The following BANK1 variants were observed in gnomAD, a reference collection of about 807,000 sequenced individuals.
The protein encoded by BANK1 is B-cell scaffold protein with ankyrin repeats.
A neutral mutation model predicts 94.5 loss-of-function variants in BANK1; 95 were observed. The ratio of observed to expected loss-of-function variants is 1.00; its 90% CI spans 0.85 to 1.19. The LOEUF (loss-of-function observed/expected upper bound fraction) is 1.19. BANK1 is among the 50% of genes most tolerant of loss of function. The probability of loss-of-function intolerance (pLI) is 0.00; values close to 1 mark genes in which losing one functional copy is unlikely to be tolerated. For synonymous variants in BANK1, 334 were observed against 308.4 expected, an observed-to-expected ratio of 1.08 and a Z score of -0.87; for missense variants, 987 against 932.2, an observed-to-expected ratio of 1.06 and a Z score of -0.77.
At chr4:101,809,322 A>G (rs947725167) in intron 1 of BANK1, among the ~76,000 whole-genome samples, 3 of 152,132 alleles carry the variant, frequency 2.0e-5, no homozygotes, top group African/African-American at 4.8e-5. Context: ...TAAGAATGAT[A>G]TGATGGACTT....
chr4:101,990,659 A>G (rs1198195653), intron 7 of BANK1, among the ~76,000 whole-genome samples: 1 of 152,192 alleles, frequency 6.6e-6, no homozygotes, highest in Non-Finnish European at 1.5e-5. Context: ...TCTATATCCA[A>G]AAATCCCATG....
intron 6 of BANK1, among the ~76,000 whole-genome samples, chr4:101,904,012 A>G (rs1578389168): frequency 6.6e-6 from 1 of 152,228 alleles, no homozygotes; most frequent in African/African-American, 2.4e-5. Context: ...TTTTATGAGT[A>G]GGTTCAATTG....
intron 7 of BANK1, among the ~76,000 whole-genome samples, chr4:101,925,166 A>T (rs1383516560): frequency 6.6e-6 from 1 of 151,500 alleles, no homozygotes; most frequent in Non-Finnish European, 1.5e-5. Context: ...ATTTATTTGA[A>T]TATCTATTCT....
chr4:101,991,272 T>G (rs1028224734), intron 7 of BANK1, among the ~76,000 whole-genome samples: 1 of 152,154 alleles, frequency 6.6e-6, no homozygotes, highest in African/African-American at 2.4e-5. Context: ...CATTTAGAAC[T>G]TCAAAGAAAA....
intron 11 of BANK1, among the ~76,000 whole-genome samples, chr4:102,044,504 G>C (rs1727813074): frequency 6.8e-6 from 1 of 146,516 alleles, no homozygotes; most frequent in Non-Finnish European, 1.5e-5. Context: ...GTGTGCATGT[G>C]TCTTTATAGC....
intron 3 of BANK1, among the ~76,000 whole-genome samples, chr4:101,857,191 G>A (rs1727710330): frequency 1.3e-5 from 2 of 152,148 alleles, no homozygotes; most frequent in African/African-American, 4.8e-5. Flanking sequence ...AATGATAGTT[G>A]AGGCTTCCCT....
intron 1 of BANK1, among the ~76,000 whole-genome samples, chr4:101,795,538 A>G (rs1725126506): frequency 6.6e-6 from 1 of 152,102 alleles, no homozygotes; most frequent in South Asian, 2.1e-4. Context: ...AAGGTTACAC[A>G]TTTTCTATTG....
At chr4:101,924,159 A>T (rs567740246) in intron 7 of BANK1, among the ~76,000 whole-genome samples, 1 of 151,966 alleles carries the variant, frequency 6.6e-6, no homozygotes, top group East Asian at 1.9e-4. Context: ...GATGTAATAT[A>T]TTATTTAGAA....
intron 7 of BANK1, among the ~76,000 whole-genome samples, chr4:101,996,459 G>A (rs1421645507): frequency 6.6e-6 from 1 of 152,156 alleles, no homozygotes; most frequent in Non-Finnish European, 1.5e-5. Context: ...TTCTAATTCT[G>A]TGAAGAAAGT....
At chr4:102,035,594 TC>T (rs1320083009) in intron 10 of BANK1, among the ~76,000 whole-genome samples, 4 of 147,138 alleles carry the variant, frequency 2.7e-5, no homozygotes, top group African/African-American at 7.6e-5. Flanking sequence ...CTTGCAGTGA[TC>T]CGAGATCGCG....
intron 7 of BANK1, among the ~76,000 whole-genome samples, chr4:101,984,431 T>G (rs1725419076): frequency 6.6e-6 from 1 of 152,110 alleles, no homozygotes. Flanking sequence ...AAGCTTTTTG[T>G]TTTGATGAAG....
intron 10 of BANK1, among the ~76,000 whole-genome samples, chr4:102,031,945 A>C (rs988079425): frequency 6.8e-6 from 1 of 146,192 alleles, no homozygotes; most frequent in African/African-American, 2.5e-5. Context: ...AAACTATAAC[A>C]AATTAGGAAA....
At chr4:101,926,218 A>T (rs1175045613) in intron 7 of BANK1, among the ~76,000 whole-genome samples, 1 of 151,712 alleles carries the variant, frequency 6.6e-6, no homozygotes. Context: ...AAAGAATCAG[A>T]CTTATGAAAA....
At chr4:102,005,318 T>C (rs1726219936) in intron 7 of BANK1, among the ~76,000 whole-genome samples, 1 of 152,032 alleles carries the variant, frequency 6.6e-6, no homozygotes, top group Non-Finnish European at 1.5e-5. Context: ...ATATGATAAA[T>C]GATTAAAAAA....
intron 10 of BANK1, 25 bp downstream of exon 10, chr4:102,030,290 C>T: frequency 1.3e-6 from 2 of 1,532,428 alleles, no homozygotes; most frequent in East Asian, 2.3e-5. Context: ...TGTTTGTTTA[C>T]TTGTTAATTT....
At chr4:101,867,722 G>T (rs1728127850) in intron 4 of BANK1, among the ~76,000 whole-genome samples, 1 of 150,976 alleles carries the variant, frequency 6.6e-6, no homozygotes. Context: ...AATGTGCCAT[G>T]CACATGTACC....
rs1343197093 is a variant in BANK1, at chr4:101,986,899, G to GTGTGTATA, written c.1207-34614_1207-34613insGTGTATAT. ...TGTGTGTGTGTGTGTGTGTGTGTGT[G>GTGTGTATA]TATATATATATATATATATATATAT... On this transcript the variant is annotated intron_variant, in intron 7 of 16. Transcript: ENST00000322953. Among the ~76,000 whole-genome samples, 39 of 82,656 alleles carry GTGTGTATA rather than the reference G, an allele frequency of 4.7e-4. 1 individual carries two copies. Among genetic ancestry groups the GTGTGTATA allele is most frequent in the African/African-American group, 2.3e-3 (35 of 15,544 alleles). 54.2% of individuals were successfully genotyped at this position (82,656 alleles called of 152,430 possible).
chr4:101,934,962 A>G lies in BANK1; in HGVS notation c.1206+16773A>G, dbSNP rs1181208855. Reference sequence around the variant, plus strand: ...CTTCTTCATGAGGTCTCCTCTGACCATACTATTTAAAATTGCCAATACCCA... The same window carrying G: ...CTTCTTCATGAGGTCTCCTCTGACCGTACTATTTAAAATTGCCAATACCCA... On this transcript the variant is annotated intron_variant, in intron 7 of 16. Transcript: ENST00000322953. Among the ~76,000 whole-genome samples, 6 of 151,578 alleles carry G rather than the reference A, an allele frequency of 4.0e-5. No homozygotes were observed. The East Asian group carries it at 1.2e-3, about 30-fold the overall frequency.
At chr4:101,949,370 A>G (rs912058770) in intron 7 of BANK1, among the ~76,000 whole-genome samples, 1 of 152,092 alleles carries the variant, frequency 6.6e-6, no homozygotes, top group African/African-American at 2.4e-5. Flanking sequence ...ATGAGAGGGG[A>G]CTACAAAGTT....
Sources: gnomAD v4.1 joint callset for allele counts (sites outside exome capture counted in the v4.1 genomes callset) on GRCh38, gnomAD v4.1.1 for gene constraint, MANE v1.5 for transcripts, NCBI Gene and HGNC (gene_info 2026-07-23, HGNC 2026-07-21) for gene names.